The following SLC35F4 variants were observed in gnomAD, a reference collection of about 807,000 sequenced individuals.
SLC35F4 encodes chromosome 14 open reading frame 36.
SLC35F4 carries 24 observed loss-of-function variants against 44.2 expected under a neutral mutation model. The ratio of observed to expected loss-of-function variants is 0.54; its 90% CI spans 0.39 to 0.76. The LOEUF is 0.76. Among genes scored for constraint, SLC35F4 ranks in the 30% least tolerant of loss-of-function variants. SLC35F4 has a pLI of 0.00. For synonymous variants in SLC35F4, 238 were observed against 223.6 expected (o/e 1.06, Z -0.57); for missense variants, 562 against 586.1 (o/e 0.96, Z 0.42).
chr14:57,917,767 G>A (rs1327251133), intron 1 of SLC35F4, among the ~76,000 whole-genome samples: 1 of 152,092 alleles, frequency 6.6e-6, no homozygotes, highest in Non-Finnish European at 1.5e-5. Flanking sequence ...GTTGAGGTTT[G>A]GGATATGGAT....
At chr14:57,907,146 G>A (rs1889116448) in intron 1 of SLC35F4, among the ~76,000 whole-genome samples, 1 of 152,294 alleles carries the variant, frequency 6.6e-6, no homozygotes, top group East Asian at 1.9e-4. Context: ...AGGGGCAGTG[G>A]TGCAATCATA....
chr14:57,760,717 T>C (rs2140622852), intron 1 of SLC35F4, among the ~76,000 whole-genome samples: 1 of 152,340 alleles, frequency 6.6e-6, no homozygotes, highest in East Asian at 1.9e-4. Flanking sequence ...TGAAATAAGA[T>C]CCTAATGAAT....
chr14:57,650,871 C>G (rs753168771), intron 1 of SLC35F4, among the ~76,000 whole-genome samples: 2 of 152,148 alleles, frequency 1.3e-5, no homozygotes, highest in Admixed American at 1.3e-4. Flanking sequence ...TTAGAATGTG[C>G]TGTTCCCTGT....
At chr14:57,960,449 T>G (rs915495813) in intron 1 of SLC35F4, among the ~76,000 whole-genome samples, 9 of 152,370 alleles carry the variant, frequency 5.9e-5, no homozygotes, top group African/African-American at 2.2e-4. Flanking sequence ...ATTTCTTAAT[T>G]TCTCCAAGTG....
intron 1 of SLC35F4, among the ~76,000 whole-genome samples, chr14:57,834,626 G>A (rs560101214): frequency 1.3e-5 from 2 of 152,324 alleles, no homozygotes; most frequent in East Asian, 1.9e-4. Flanking sequence ...TAACTAAACC[G>A]TCATTCACTT....
At chr14:57,591,239 T>C (rs1263516637) in intron 2 of SLC35F4, among the ~76,000 whole-genome samples, 1 of 152,006 alleles carries the variant, frequency 6.6e-6, no homozygotes, top group East Asian at 1.9e-4. Context: ...CTCAACACAG[T>C]GTGATAAGAG....
chr14:57,825,220 C>T (rs576453235), intron 1 of SLC35F4, among the ~76,000 whole-genome samples: 4 of 152,024 alleles, frequency 2.6e-5, no homozygotes, highest in Admixed American at 1.3e-4. Flanking sequence ...AGGTTTCAGG[C>T]GAATACTTCA....
At chr14:57,923,109 G>T (rs1889474257) in intron 1 of SLC35F4, among the ~76,000 whole-genome samples, 1 of 152,152 alleles carries the variant, frequency 6.6e-6, no homozygotes, top group Admixed American at 6.5e-5. Flanking sequence ...TGGCCAAGAT[G>T]ATGCATCTAA....
chr14:57,618,296 C>T (rs552581766), intron 1 of SLC35F4, among the ~76,000 whole-genome samples: 95 of 152,326 alleles, frequency 6.2e-4, no homozygotes, highest in African/African-American at 2.0e-3. Context: ...GCAAGACTGA[C>T]GCAGAAGGTG....
intron 1 of SLC35F4, among the ~76,000 whole-genome samples, chr14:57,745,780 C>T (rs944378609): frequency 3.3e-5 from 5 of 152,156 alleles, no homozygotes; most frequent in African/African-American, 1.2e-4. Context: ...AAGACACACG[C>T]ACCCATATGT....
At chr14:57,743,421 C>T (rs1169836634) in intron 1 of SLC35F4, among the ~76,000 whole-genome samples, 6 of 152,152 alleles carry the variant, frequency 3.9e-5, no homozygotes, top group Non-Finnish European at 7.4e-5. Context: ...GAAATACAAA[C>T]TACCATCAGG....
At chr14:57,704,956 G>T (rs1200241878) in intron 1 of SLC35F4, among the ~76,000 whole-genome samples, 5 of 152,110 alleles carry the variant, frequency 3.3e-5, no homozygotes, top group Non-Finnish European at 1.5e-5. Flanking sequence ...TCCCAATTAG[G>T]GTTGGACAGC....
At chr14:57,667,831 T>G (rs2074370548) in intron 1 of SLC35F4, among the ~76,000 whole-genome samples, 1 of 150,968 alleles carries the variant, frequency 6.6e-6, no homozygotes, top group African/African-American at 2.5e-5. Context: ...TGATTTATAA[T>G]TCTTTGGGTA....
chr14:57,776,913 G>A (rs995907085), intron 1 of SLC35F4, among the ~76,000 whole-genome samples: 2 of 152,076 alleles, frequency 1.3e-5, no homozygotes, highest in East Asian at 1.9e-4. Context: ...CGAGGGTCTC[G>A]TAAGAGCTGC....
intron 1 of SLC35F4, among the ~76,000 whole-genome samples, chr14:57,799,219 C>G (rs1395833717): frequency 2.0e-5 from 3 of 152,174 alleles, no homozygotes; most frequent in African/African-American, 7.2e-5. Context: ...AAACCCCCAC[C>G]CCCAGCCAAA....
intron 1 of SLC35F4, among the ~76,000 whole-genome samples, chr14:57,779,229 C>T (rs1053180362): frequency 2.0e-5 from 3 of 151,950 alleles, no homozygotes; most frequent in African/African-American, 7.2e-5. Context: ...ATAAACTAGA[C>T]AGACTGCTAG....
chr14:57,671,301 T>A (rs1255800687), intron 1 of SLC35F4, among the ~76,000 whole-genome samples: 1 of 151,816 alleles, frequency 6.6e-6, no homozygotes, highest in African/African-American at 2.4e-5. Flanking sequence ...TCCCTTAACC[T>A]CAGAGTGCAC....
intron 1 of SLC35F4, among the ~76,000 whole-genome samples, chr14:57,899,649 C>G (rs1485011036): frequency 1.3e-5 from 2 of 152,206 alleles, no homozygotes; most frequent in African/African-American, 4.8e-5. Flanking sequence ...GAATGGAGCA[C>G]AGCTGAACTC....
At chr14:57,682,648 A>AC (rs1439256845) in intron 1 of SLC35F4, among the ~76,000 whole-genome samples, 1 of 151,540 alleles carries the variant, frequency 6.6e-6, no homozygotes, top group African/African-American at 2.4e-5. Context: ...GAAAAAAAAA[A>AC]AGATGCCATT....
Sources: gnomAD v4.1 joint callset for allele counts (sites outside exome capture counted in the v4.1 genomes callset) on GRCh38, gnomAD v4.1.1 for gene constraint, MANE v1.5 for transcripts, NCBI Gene and HGNC (gene_info 2026-07-23, HGNC 2026-07-21) for gene names.